The following ANKRD22 variants were observed in gnomAD, a reference collection of about 807,000 sequenced individuals.
ANKRD22 encodes the protein ankyrin repeat domain-containing protein 22.
ANKRD22 carries 24 observed loss-of-function variants against 25.7 expected under a neutral mutation model. The observed-to-expected ratio is 0.93, with a 90% CI of 0.68 to 1.31. The LOEUF is 1.31. Among genes scored for constraint, ANKRD22 ranks in the 50% most tolerant of loss-of-function variants. The pLI is 0.00. For missense variants in ANKRD22, 214 were observed against 227.1 expected, an observed-to-expected ratio of 0.94 and a Z score of 0.37; for synonymous variants, 84 against 84.3, an observed-to-expected ratio of 1.00 and a Z score of 0.02.
At chr10:88,849,368 T>C (rs1203359747) in intron 1 of ANKRD22, among the ~76,000 whole-genome samples, 1 of 152,128 alleles carries the variant, frequency 6.6e-6, no homozygotes, top group Non-Finnish European at 1.5e-5. Flanking sequence ...GTTAGAACAG[T>C]GGCAGAACAC....
At chr10:88,834,856 T>C (rs993008071) in intron 1 of ANKRD22, among the ~76,000 whole-genome samples, 1 of 152,044 alleles carries the variant, frequency 6.6e-6, no homozygotes, top group East Asian at 1.9e-4. Flanking sequence ...GACAGGAGAA[T>C]CGCTTGATTC....
intron 1 of ANKRD22, among the ~76,000 whole-genome samples, chr10:88,836,486 G>A (rs1488617271): frequency 1.3e-5 from 2 of 152,186 alleles, no homozygotes; most frequent in African/African-American, 4.8e-5. Context: ...ATGAAACTAA[G>A]GGAAATTGTT....
intron 1 of ANKRD22, among the ~76,000 whole-genome samples, chr10:88,850,357 G>C (rs536791403): frequency 6.6e-6 from 1 of 151,736 alleles, no homozygotes; most frequent in African/African-American, 2.4e-5. Context: ...TCCCACCCAG[G>C]TCTACAAACT....
intron 1 of ANKRD22, among the ~76,000 whole-genome samples, chr10:88,844,986 A>C (rs555115920): frequency 6.6e-6 from 1 of 152,150 alleles, no homozygotes; most frequent in African/African-American, 2.4e-5. Flanking sequence ...CTTCTTAACA[A>C]TTATACATTC....
intron 1 of ANKRD22, 62 bp from the exon 2 acceptor site, chr10:88,832,088 A>C: frequency 6.9e-7 from 1 of 1,458,134 alleles, no homozygotes; most frequent in Non-Finnish European, 9.3e-7. Context: ...ACAAAAACGA[A>C]AAAAAAGTCA....
At chr10:88,830,536 T>G (rs1293051393) in intron 2 of ANKRD22, among the ~76,000 whole-genome samples, 1 of 152,240 alleles carries the variant, frequency 6.6e-6, no homozygotes, top group East Asian at 1.9e-4. Flanking sequence ...TATTAATATT[T>G]GGAGAAAATA....
chr10:88,837,158 G>T (rs1448519365), intron 1 of ANKRD22, among the ~76,000 whole-genome samples: 1 of 152,118 alleles, frequency 6.6e-6, no homozygotes, highest in Non-Finnish European at 1.5e-5. Flanking sequence ...AAACTCTCTG[G>T]GTTCCAATCT....
intron 4 of ANKRD22, among the ~76,000 whole-genome samples, chr10:88,823,686 G>A (rs1405574631): frequency 1.3e-5 from 2 of 151,988 alleles, no homozygotes; most frequent in Non-Finnish European, 2.9e-5. Flanking sequence ...AAATTAGCCG[G>A]GCGCGGTGGC....
At chr10:88,829,602 TG>T (rs1843886274) in intron 2 of ANKRD22, among the ~76,000 whole-genome samples, 1 of 152,250 alleles carries the variant, frequency 6.6e-6, no homozygotes, top group Non-Finnish European at 1.5e-5. Flanking sequence ...TATCATATCT[TG>T]CTTTTTTCAG....
intron 3 of ANKRD22, among the ~76,000 whole-genome samples, chr10:88,827,293 A>G (rs946684452): frequency 6.6e-6 from 1 of 152,192 alleles, no homozygotes; most frequent in Admixed American, 6.5e-5. Context: ...TTCATCACAA[A>G]TTTACAACTT....
At chr10:88,842,371 T>C (rs1844010458) in intron 1 of ANKRD22, among the ~76,000 whole-genome samples, 1 of 152,104 alleles carries the variant, frequency 6.6e-6, no homozygotes, top group Admixed American at 6.6e-5. Context: ...TATACTCTGG[T>C]CTATCTAACT....
intron 1 of ANKRD22, among the ~76,000 whole-genome samples, chr10:88,844,427 T>C (rs1844029839): frequency 6.6e-6 from 1 of 152,174 alleles, no homozygotes. Context: ...TTAATTAGTA[T>C]GTAAACCATT....
intron 2 of ANKRD22, among the ~76,000 whole-genome samples, chr10:88,829,641 C>T (rs1030021655): frequency 6.8e-6 from 1 of 147,144 alleles, no homozygotes; most frequent in East Asian, 2.0e-4. Context: ...AGAATATGTA[C>T]ATTTTTCCAT....
At chr10:88,844,124 T>C (rs1236992773) in intron 1 of ANKRD22, among the ~76,000 whole-genome samples, 1 of 152,166 alleles carries the variant, frequency 6.6e-6, no homozygotes, top group African/African-American at 2.4e-5. Context: ...AGTGAAGGAA[T>C]GAGCCAGGTA....
At chr10:88,837,296 GA>G (rs1314844717) in intron 1 of ANKRD22, among the ~76,000 whole-genome samples, 1 of 152,204 alleles carries the variant, frequency 6.6e-6, no homozygotes, top group Non-Finnish European at 1.5e-5. Flanking sequence ...TAACTGTGCA[GA>G]TGAAGCACTT....
At chr10:88,841,385 A>G (rs1326388625) in intron 1 of ANKRD22, among the ~76,000 whole-genome samples, 3 of 152,142 alleles carry the variant, frequency 2.0e-5, no homozygotes, top group Non-Finnish European at 2.9e-5. Flanking sequence ...AAGAGAAAAA[A>G]AAAGAAAGAA....
At chr10:88,845,320 G>A (rs1844037875) in intron 1 of ANKRD22, among the ~76,000 whole-genome samples, 1 of 151,938 alleles carries the variant, frequency 6.6e-6, no homozygotes, top group East Asian at 1.9e-4. Flanking sequence ...ACAATGACCT[G>A]GTATCCTTTG....
chr10:88,848,995 T>C (rs546986748), intron 1 of ANKRD22, among the ~76,000 whole-genome samples: 12 of 121,274 alleles, frequency 9.9e-5, no homozygotes, highest in African/African-American at 3.4e-4. Flanking sequence ...AGTTTGTGTG[T>C]GTGCATGTGC....
chr10:88,825,236 T>G (rs951414517), intron 4 of ANKRD22, among the ~76,000 whole-genome samples: 1 of 152,230 alleles, frequency 6.6e-6, no homozygotes, highest in Non-Finnish European at 1.5e-5. Flanking sequence ...ACTTGCCTAC[T>G]TTTTCAATAA....
Sources: gnomAD v4.1 joint callset for allele counts (sites outside exome capture counted in the v4.1 genomes callset) on GRCh38, gnomAD v4.1.1 for gene constraint, MANE v1.5 for transcripts, NCBI Gene and HGNC (gene_info 2026-07-23, HGNC 2026-07-21) for gene names.